Variants in ADAMTS17 observed in about 807,000 individuals in gnomAD.
ADAMTS17 encodes A disintegrin and metalloproteinase with thrombospondin motifs 17.
A neutral mutation model predicts 141.5 loss-of-function variants in ADAMTS17; 113 were observed. The ratio of observed to expected loss-of-function variants is 0.80; its 90% confidence interval spans 0.69 to 0.93. The LOEUF (loss-of-function observed/expected upper bound fraction) is 0.93. ADAMTS17 is among the 40% of genes least tolerant of loss of function. ADAMTS17 has a pLI of 0.00. For synonymous variants in ADAMTS17, 768 were observed against 630.6 expected, an observed-to-expected ratio of 1.22 and a Z score of -3.27; for missense variants, 1,659 against 1,517.9, an observed-to-expected ratio of 1.09 and a Z score of -1.54.
chr15:100,196,983 T>C (rs560743153), intron 8 of ADAMTS17, among the ~76,000 whole-genome samples: 1 of 152,366 alleles, frequency 6.6e-6, no homozygotes, highest in African/African-American at 2.4e-5. Context: ...TTGTCGGTAA[T>C]TGGAGTTCAA....
Position 100,186,376 on chromosome 15 carries a change from C to G in ADAMTS17, c.1181+12942G>C, listed in dbSNP as rs117195746. 5.4e-4 allele frequency among the ~76,000 whole-genome samples: 83 copies of G among 152,310 alleles called. No homozygotes were observed. The East Asian group carries it at 0.015, about 28-fold the overall frequency. ...TCTTCCTCTCTATAAAATGCAAATACTACTACTATTATAGGATGGGGTGAA... is the reference window on the plus strand; with the variant it reads ...TCTTCCTCTCTATAAAATGCAAATAGTACTACTATTATAGGATGGGGTGAA... On this transcript the variant is annotated intron_variant, in intron 8 of 21. Coordinates refer to ENST00000268070, the MANE Select transcript of ADAMTS17 (RefSeq NM_139057.4).
intron 9 of ADAMTS17, among the ~76,000 whole-genome samples, chr15:100,154,637 C>T (rs1353433893): frequency 2.0e-5 from 3 of 152,172 alleles, no homozygotes; most frequent in Non-Finnish European, 4.4e-5. Context: ...TGACAAAGGT[C>T]TGAAATCAGA....
At chr15:100,096,238 C>A in intron 15 of ADAMTS17, 118 bp downstream of exon 15, 1 of 1,525,600 alleles carries the variant, frequency 6.6e-7, no homozygotes. Flanking sequence ...AGTTCCAGGT[C>A]ACCTATCCAC....
intron 7 of ADAMTS17, among the ~76,000 whole-genome samples, chr15:100,201,372 C>T (rs553901662): frequency 6.6e-6 from 1 of 152,318 alleles, no homozygotes; most frequent in East Asian, 1.9e-4. Context: ...AAGGTGTCTG[C>T]TTCCCTTTCC....
Position 100,059,863 on chromosome 15 carries a change from A to AT in ADAMTS17, c.2138-5810dup, listed in dbSNP as rs554785052. Among the ~76,000 whole-genome samples, 21 of 152,020 alleles carry AT rather than the reference A, an allele frequency of 1.4e-4. No homozygotes were observed. The East Asian group carries it at 1.5e-3, about 11-fold the overall frequency. ...CTTTCCACAGCCCTATGCATAATGT[A>AT]TTTTTTTTCCTGAAAGACAACCTTC... is the stretch of plus-strand genomic sequence containing the variant. On this transcript the variant is annotated intron_variant, in intron 15 of 21. Transcript: ENST00000268070.
At chr15:100,171,599 C>T (rs2040163563) in intron 8 of ADAMTS17, among the ~76,000 whole-genome samples, 1 of 152,188 alleles carries the variant, frequency 6.6e-6, no homozygotes, top group Non-Finnish European at 1.5e-5. Context: ...TCCCATCCTT[C>T]CTGCAGCAGC....
chr15:100,020,920 C>T (rs2061395371), intron 18 of ADAMTS17, among the ~76,000 whole-genome samples: 2 of 152,210 alleles, frequency 1.3e-5, no homozygotes, highest in African/African-American at 4.8e-5. Flanking sequence ...TCCTCATTTT[C>T]TCCTGCTTCC....
At chr15:100,045,870 T>C (rs573588147) in intron 18 of ADAMTS17, among the ~76,000 whole-genome samples, 1 of 152,148 alleles carries the variant, frequency 6.6e-6, no homozygotes, top group Non-Finnish European at 1.5e-5. Context: ...TCTAACTGCT[T>C]TCTAGATTTA....
chr15:100,339,322 G>A (rs1484223571), intron 2 of ADAMTS17, among the ~76,000 whole-genome samples: 2 of 152,162 alleles, frequency 1.3e-5, no homozygotes, highest in Non-Finnish European at 2.9e-5. Context: ...GCTCCTTGCT[G>A]GAAACTTTAC....
rs3217513 is a variant in ADAMTS17 at position 100,340,777 on chromosome 15, A to AC, written c.450+261dup. Reference sequence around the variant, plus strand: ...GCGCTCCCTAGAGCGGGCGGCGTATACCCCACGCAACCCCAGCTCCGCGCG... The same window carrying AC: ...GCGCTCCCTAGAGCGGGCGGCGTATACCCCCACGCAACCCCAGCTCCGCGCG... On this transcript the variant is annotated intron_variant, in intron 2 of 21. Transcript: ENST00000268070. Among the ~76,000 whole-genome samples, 108,579 of 152,042 alleles carry AC rather than the reference A, an allele frequency of 0.71. 39,321 individuals are homozygous for AC. Among genetic ancestry groups the AC allele is most frequent in the Non-Finnish European group, 0.79 (53,468 of 67,968 alleles).
chr15:100,011,565 T>C (rs375037007), intron 18 of ADAMTS17, among the ~76,000 whole-genome samples: 3 of 152,308 alleles, frequency 2.0e-5, no homozygotes, highest in East Asian at 3.9e-4. Flanking sequence ...TTATACCAGC[T>C]AAGCCTTTTT....
chr15:100,134,031 T>A (rs2038195442), intron 10 of ADAMTS17, among the ~76,000 whole-genome samples: 1 of 152,212 alleles, frequency 6.6e-6, no homozygotes, highest in Non-Finnish European at 1.5e-5. Context: ...AATCTGGGCA[T>A]CGACAAAGTG....
At chr15:100,070,303 A>G (rs1398321400) in intron 15 of ADAMTS17, among the ~76,000 whole-genome samples, 1 of 149,940 alleles carries the variant, frequency 6.7e-6, no homozygotes, top group African/African-American at 2.5e-5. Flanking sequence ...GGAGACTTTA[A>G]CACCCCACTG....
rs377377438 is a variant in ADAMTS17, at chr15:100,338,918, C to T, written c.450+2121G>A. The T allele has an allele frequency of 4.5e-5, 44 of 982,350 alleles. No individual in the cohort carries two copies. The African/African-American group carries it at 5.9e-4, about 13-fold the overall frequency. The allele number at this position is 982,350 out of a possible 1,614,324, so 60.9% of individuals were successfully genotyped here. A position where few individuals can be genotyped will look rare whatever the true frequency, so the allele number is the denominator to read the frequency against. The stretch of plus-strand genomic sequence containing the variant: ...AATTCCTGTTGCTTTCTTTTCTTTA[C>T]GCTTTCAGGACCACCTTGCAAACAA... On this transcript the variant is annotated intron_variant, in intron 2 of 21. Transcript: ENST00000268070.
At chr15:100,263,063 T>TA (rs921928815) in intron 4 of ADAMTS17, among the ~76,000 whole-genome samples, 7 of 151,942 alleles carry the variant, frequency 4.6e-5, no homozygotes, top group Admixed American at 1.3e-4. Flanking sequence ...AATAGTTGGT[T>TA]AAAAAAAACC....
intron 18 of ADAMTS17, among the ~76,000 whole-genome samples, chr15:100,038,916 TCTTTCA>T (rs1244929046): frequency 6.6e-6 from 1 of 152,254 alleles, no homozygotes; most frequent in African/African-American, 2.4e-5. Flanking sequence ...AAGCATTCCG[TCTTTCA>T]CTTTAAGTAT....
intron 10 of ADAMTS17, among the ~76,000 whole-genome samples, chr15:100,146,109 G>T (rs184629199): frequency 1.9e-4 from 29 of 152,326 alleles, no homozygotes; most frequent in African/African-American, 6.7e-4. Flanking sequence ...GGAGGTGGAG[G>T]TTGCACTGAG....
intron 8 of ADAMTS17, among the ~76,000 whole-genome samples, chr15:100,162,516 A>G (rs2039752039): frequency 1.0e-5 from 1 of 98,944 alleles, no homozygotes; most frequent in Non-Finnish European, 2.0e-5. Context: ...ATGTGTATAT[A>G]TATGCACATA....
At position 100,315,735 on chromosome 15, in the gene ADAMTS17, C is replaced by T. The variant is rs543552677; in HGVS notation, c.616+15154G>A. Among the ~76,000 whole-genome samples the T allele has an allele frequency of 3.6e-3, 470 of 129,002 alleles. 4 individuals carry two copies. The highest frequency in any genetic ancestry group is 0.013 in the African/African-American group (446 of 33,756). 84.6% of individuals were successfully genotyped at this position (129,002 alleles called of 152,430 possible). A position where few individuals can be genotyped will look rare whatever the true frequency, so the allele number is the denominator to read the frequency against. On this transcript the variant is annotated intron_variant, in intron 3 of 21. Transcript: ENST00000268070. The stretch of plus-strand genomic sequence containing the variant: ...ACACTAAAAGACAACTTTAAAGACA[C>T]ACACACTCACACACAGTCACTGAAA...
Sources: allele counts gnomAD v4.1 joint callset (sites outside exome capture counted in the v4.1 genomes callset), GRCh38; gene constraint gnomAD v4.1.1; transcripts MANE v1.5; gene names NCBI Gene and HGNC (gene_info 2026-07-23, HGNC 2026-07-21).